Variants in ZNF43 observed in about 807,000 individuals in gnomAD.
The protein encoded by ZNF43 is zinc finger protein 39-like 1 (KOX 27).
In ZNF43, 44 loss-of-function variants were observed where a neutral mutation model predicts 68.4. The observed-to-expected ratio is 0.64, with a 90% CI of 0.51 to 0.83. ZNF43 has a LOEUF of 0.83. Ranked by LOEUF, ZNF43 falls within the 40% of genes least tolerant of loss-of-function variation. The pLI is 0.00. For missense variants in ZNF43, 896 were observed against 933.2 expected (o/e 0.96, Z 0.52); for synonymous variants, 308 against 307.8 (o/e 1.00, Z -0.01).
chr19:21,847,094 A>T, intron 1 of ZNF43, among the ~76,000 whole-genome samples: 1 of 152,230 alleles, frequency 6.6e-6, no homozygotes, highest in Non-Finnish European at 1.5e-5. Context: ...AGATATGTCA[A>T]CCATCATTTC....
Position 21,808,539 on chromosome 19 carries a change from G to A in ZNF43, c.1498C>T (p.His500Tyr). Residue 500 changes from histidine (H) to tyrosine (Y), a missense_variant, in exon 4 of 4, where the codon CAT becomes TAT. Physicochemically the swap from His to Tyr is moderately conservative, Grantham distance 83 (BLOSUM62 2). Transcript: ENST00000354959. ...AFSRSSNLTK[H>Y]KKIHIEKKPY... ...TTCTTTTCAATGTGAATTTTCTTAT[G>A]TTTAGTAAGGTTTGAGGACCGGCTA... 6 of 1,613,118 alleles carry A rather than the reference G, an allele frequency of 3.7e-6. No individual in the cohort carries two copies. Among genetic ancestry groups the A allele is most frequent in the Non-Finnish European group, 5.1e-6 (6 of 1,179,760 alleles).
At chr19:21,828,389 C>T (rs990086392) in intron 1 of ZNF43, among the ~76,000 whole-genome samples, 2 of 151,884 alleles carry the variant, frequency 1.3e-5, no homozygotes, top group Non-Finnish European at 2.9e-5. Flanking sequence ...ACCATCCTGG[C>T]TAACACGGTG....
Position 21,807,952 on chromosome 19 carries a change from T to C in ZNF43, c.2085A>G (p.Thr695=). 6.2e-7 allele frequency: 1 copy of C among 1,612,968 alleles called. No homozygotes were observed. The change falls in exon 4 of 4, where the codon ACA becomes ACG. Residue 695 remains threonine, a synonymous_variant. Coordinates refer to ENST00000354959, the MANE Select transcript of ZNF43 (RefSeq NM_003423.4). ...TCTCTCCAGTATGAATAATCTTATGTGTAGAAAGGGTTGAGGACAGTTTAA... is the reference window on the plus strand; with the variant it reads ...TCTCTCCAGTATGAATAATCTTATGCGTAGAAAGGGTTGAGGACAGTTTAA... ...KAFKLSSTLS[T]HKIIHTGEKP... is the part of the protein sequence containing the mutation.
rs1038389180 is a variant in ZNF43 at position 21,849,480 on chromosome 19, C to T, written c.30+2425G>A. Among the ~76,000 whole-genome samples, 6 of 129,272 alleles carry T rather than the reference C, an allele frequency of 4.6e-5. No homozygotes were observed. The East Asian group carries it at 1.2e-3, about 25-fold the overall frequency. The allele number at this position is 129,272 out of a possible 152,430, so 84.8% of individuals were successfully genotyped here. On this transcript the variant is annotated intron_variant, in intron 1 of 3. Transcript: ENST00000357491. ...TCCAGCCTGGACAACAAGGGCAAAA[C>T]CCTGCCTCAAAAAAAAAAAAAAAAA...
intron 1 of ZNF43, among the ~76,000 whole-genome samples, chr19:21,842,313 G>A (rs1403914418): frequency 6.6e-6 from 1 of 151,300 alleles, no homozygotes; most frequent in Non-Finnish European, 1.5e-5. Flanking sequence ...GGAGGCTGAG[G>A]CAGAAGAATA....
rs768859071 is a variant in ZNF43 at position 21,808,067 on chromosome 19, T to A, written c.1970A>T (p.Lys657Ile). The change falls in exon 4 of 4, where the codon AAA becomes ATA. Residue 657 changes from lysine (K) to isoleucine (I), a missense_variant. By Grantham distance (102) the Lys-to-Ile change is moderately radical. Coordinates refer to ENST00000354959, the MANE Select transcript of ZNF43 (RefSeq NM_003423.4). ...EKPYKCEECG[K>I]AFKWSSTLTK... ...AAGGGTTGAGGACCACTTAAAGGCT[T>A]TGCCACATTCTTCACATTTGTAGGG... 1.9e-6 allele frequency: 3 copies of A among 1,612,876 alleles called. No individual in the cohort carries two copies. In the South Asian group the frequency reaches 3.3e-5, roughly 18 times the overall value.
At chr19:21,848,813 G>A (rs1052703651) in intron 1 of ZNF43, among the ~76,000 whole-genome samples, 18 of 152,144 alleles carry the variant, frequency 1.2e-4, no homozygotes, top group Admixed American at 3.3e-4. Flanking sequence ...TTTCACCAAT[G>A]AATTGAACCT....
rs1324274617 is a variant in ZNF43, at chr19:21,809,572, A to G, written c.465T>C (p.Phe155=). 3.7e-6 allele frequency: 6 copies of G among 1,611,582 alleles called. No individual in the cohort carries two copies. The East Asian group carries it at 1.1e-4, about 30-fold the overall frequency. Residue 155 remains phenylalanine, a synonymous_variant, in exon 4 of 4, where the codon TTT becomes TTC. Transcript: ENST00000354959. ...IFLFDKCVKA[F]HKFSNSNRHK... is the part of the protein sequence containing the mutation. ...GTCTGTTTGAATTTGAAAATTTATG[A>G]AAGGCTTTCACACATTTATCAAATA...
chr19:21,850,658 G>C (rs968257620), intron 1 of ZNF43, among the ~76,000 whole-genome samples: 5 of 152,116 alleles, frequency 3.3e-5, no homozygotes, highest in African/African-American at 1.2e-4. Context: ...AATATTCAGG[G>C]ACTAAGGAAA....
At chr19:21,813,919 T>C (rs2037398380) in intron 3 of ZNF43, among the ~76,000 whole-genome samples, 1 of 152,118 alleles carries the variant, frequency 6.6e-6, no homozygotes, top group Non-Finnish European at 1.5e-5. Flanking sequence ...CATACCACCA[T>C]GCCTGGCTAT....
At chr19:21,834,536 A>C (rs1012307445) in intron 1 of ZNF43, among the ~76,000 whole-genome samples, 10 of 152,026 alleles carry the variant, frequency 6.6e-5, no homozygotes, top group Non-Finnish European at 8.8e-5. Context: ...AGGCGGGTGG[A>C]TCACAAGGTC....
intron 1 of ZNF43, among the ~76,000 whole-genome samples, chr19:21,843,644 C>T (rs1486905019): frequency 6.6e-6 from 1 of 152,122 alleles, no homozygotes; most frequent in African/African-American, 2.4e-5. Flanking sequence ...CAAAAATTAG[C>T]TGGATATGGT....
Position 21,804,996 on chromosome 19 carries a change from T to C in ZNF43, c.*2611A>G, listed in dbSNP as rs2036872097. On this transcript the variant is annotated 3_prime_UTR_variant, in exon 4 of 4. Coordinates refer to ENST00000354959, the MANE Select transcript of ZNF43 (RefSeq NM_003423.4). ...GACTTTATTTATACTTCTATATAAT[T>C]TTTATAATTAAAATGACCCTGTAGT... The C allele has an allele frequency of 6.6e-6, 1 of 152,200 alleles. No individual in the cohort carries two copies. The highest frequency in any genetic ancestry group is 2.1e-4 in the South Asian group (1 of 4,830). 9.4% of individuals were successfully genotyped at this position (152,200 alleles called of 1,614,324 possible).
intron 3 of ZNF43, among the ~76,000 whole-genome samples, chr19:21,812,735 T>C (rs2037337825): frequency 1.3e-5 from 2 of 151,962 alleles, no homozygotes; most frequent in African/African-American, 2.4e-5. Flanking sequence ...TGAATCACCA[T>C]AGGTCAGAAG....
intron 1 of ZNF43, among the ~76,000 whole-genome samples, chr19:21,845,880 C>T (rs919254606): frequency 2.0e-4 from 28 of 143,538 alleles, no homozygotes; most frequent in African/African-American, 6.7e-4. Context: ...GCAACAAGAG[C>T]GAAACTCTGT....
intron 3 of ZNF43, among the ~76,000 whole-genome samples, chr19:21,814,437 G>A (rs1350353341): frequency 2.7e-5 from 4 of 148,358 alleles, no homozygotes; most frequent in Non-Finnish European, 5.9e-5. Context: ...CTGAGATGGA[G>A]TCTTGCTCTG....
chr19:21,820,830 ATTTT>A (rs750258211), intron 1 of ZNF43, among the ~76,000 whole-genome samples: 9 of 128,784 alleles, frequency 7.0e-5, no homozygotes, highest in African/African-American at 1.9e-4. Flanking sequence ...ATGTTCTGTA[ATTTT>A]TTTTTTTTTT....
chr19:21,811,549 A>AAC, intron 3 of ZNF43, among the ~76,000 whole-genome samples: 1 of 150,636 alleles, frequency 6.6e-6, no homozygotes, highest in African/African-American at 2.4e-5. Flanking sequence ...AAAAAAAACA[A>AAC]AAAAAAAAAA....
Position 21,808,066 on chromosome 19 carries a change from T to C in ZNF43, c.1971A>G (p.Lys657=). Residue 657 remains lysine, a synonymous_variant, in exon 4 of 4, where the codon AAA becomes AAG. Transcript: ENST00000354959. ...EKPYKCEECG[K]AFKWSSTLTK... The stretch of plus-strand genomic sequence containing the variant: ...TAAGGGTTGAGGACCACTTAAAGGC[T>C]TTGCCACATTCTTCACATTTGTAGG... The C allele has an allele frequency of 6.2e-7, 1 of 1,612,880 alleles. No individual in the cohort carries two copies. Among genetic ancestry groups the C allele is most frequent in the Non-Finnish European group, 8.5e-7 (1 of 1,179,846 alleles).
Sources: gnomAD v4.1 joint callset for allele counts (sites outside exome capture counted in the v4.1 genomes callset) on GRCh38, gnomAD v4.1.1 for gene constraint, MANE v1.5 for transcripts, NCBI Gene and HGNC (gene_info 2026-07-23, HGNC 2026-07-21) for gene names.